The following LRRK2 variants were observed in gnomAD, a reference collection of about 807,000 sequenced individuals.
The protein encoded by LRRK2 is leucine-rich repeat serine/threonine-protein kinase 2.
LRRK2 carries 203 observed loss-of-function variants against 302.6 expected under a neutral mutation model. The observed-to-expected ratio is 0.67, with a 90% CI of 0.60 to 0.75. The LOEUF is 0.75. Ranked by LOEUF, LRRK2 falls within the 30% of genes least tolerant of loss-of-function variation. The pLI, the probability that LRRK2 is intolerant of heterozygous loss-of-function variation, is 0.00. For synonymous variants in LRRK2, 1,066 were observed against 1,031.9 expected (o/e 1.03, Z -0.63); for missense variants, 2,830 against 2,951.0 (o/e 0.96, Z 0.95).
intron 47 of LRRK2, among the ~76,000 whole-genome samples, chr12:40,360,247 A>G (rs957150365): frequency 6.6e-6 from 1 of 152,180 alleles, no homozygotes; most frequent in Non-Finnish European, 1.5e-5. Flanking sequence ...CTTAATTAAC[A>G]TAATGACCAG....
At chr12:40,259,663 C>T (rs1942683239) in intron 13 of LRRK2, 59 bp downstream of exon 13, 1 of 1,591,780 alleles carries the variant, frequency 6.3e-7, no homozygotes, top group Admixed American at 1.7e-5. Context: ...TTTGATTTTT[C>T]ATGAAATAGC....
chr12:40,279,718 C>T (rs932144980), intron 18 of LRRK2, among the ~76,000 whole-genome samples: 2 of 152,190 alleles, frequency 1.3e-5, no homozygotes, highest in Admixed American at 1.3e-4. Context: ...AGGATTTTTA[C>T]TTTATTCCTC....
At chr12:40,284,471 A>G in intron 19 of LRRK2, among the ~76,000 whole-genome samples, 1 of 137,272 alleles carries the variant, frequency 7.3e-6, no homozygotes, top group South Asian at 2.5e-4. Flanking sequence ...AACTTATTTT[A>G]TCTCTTATAA....
intron 40 of LRRK2, 107 bp from the exon 41 acceptor site, chr12:40,340,186 GA>G: frequency 8.7e-7 from 1 of 1,143,808 alleles, no homozygotes; most frequent in South Asian, 1.4e-5. Context: ...AGTGAGCACA[GA>G]ATTTTTGATG....
Position 40,253,994 on chromosome 12 carries a change from A to G in LRRK2, c.1288+978A>G, listed in dbSNP as rs141878032. 2.5e-3 allele frequency among the ~76,000 whole-genome samples: 374 copies of G among 152,264 alleles called. 3 individuals are homozygous for G. The highest frequency in any genetic ancestry group is 0.01 in the Middle Eastern group (3 of 294). On this transcript the variant is annotated intron_variant, in intron 11 of 50. Coordinates refer to ENST00000298910, the MANE Select transcript of LRRK2 (RefSeq NM_198578.4). ...CTTTAATGTAATTCTTATAAATCTTATAGCTTTGTATAATTATGAAGAGAA... is the reference window on the plus strand; with the variant it reads ...CTTTAATGTAATTCTTATAAATCTTGTAGCTTTGTATAATTATGAAGAGAA...
chr12:40,269,261 C>G (rs1412588110), intron 14 of LRRK2, among the ~76,000 whole-genome samples: 1 of 152,116 alleles, frequency 6.6e-6, no homozygotes, highest in South Asian at 2.1e-4. Flanking sequence ...AAACTAAATG[C>G]TTACATGGTA....
At chr12:40,299,058 A>T in intron 24 of LRRK2, 51 bp from the exon 25 acceptor site, 1 of 1,583,036 alleles carries the variant, frequency 6.3e-7, no homozygotes, top group Non-Finnish European at 8.6e-7. Context: ...TTTTTTCTTT[A>T]AAGCATATGA....
At chr12:40,322,596 C>G (rs773834745) in intron 37 of LRRK2, 86 bp downstream of exon 37, 6 of 1,223,396 alleles carry the variant, frequency 4.9e-6, no homozygotes, top group Non-Finnish European at 7.1e-6. Flanking sequence ...ATATTCTTAT[C>G]CATAAGGGAT....
At chr12:40,300,696 G>A (rs903823751) in intron 25 of LRRK2, 3 of 432,650 alleles carry the variant, frequency 6.9e-6, no homozygotes, top group Non-Finnish European at 1.4e-5. Context: ...AGTAAGCAAA[G>A]CAAACTCGGT....
intron 14 of LRRK2, among the ~76,000 whole-genome samples, chr12:40,271,033 T>C (rs1943212582): frequency 6.6e-6 from 1 of 152,066 alleles, no homozygotes; most frequent in South Asian, 2.1e-4. Flanking sequence ...TGCCTCGACC[T>C]CCCAAAGTGC....
In LRRK2 at chr12:40,258,706, A is replaced by T. The variant is rs546350125; in HGVS notation, c.1419-774A>T. On this transcript the variant is annotated intron_variant, in intron 12 of 50. Coordinates refer to ENST00000298910, the MANE Select transcript of LRRK2 (RefSeq NM_198578.4). ...AGTGTGTAAAAGACGCAATGGTAAG[A>T]GTAGAGTGGACTCAGCTGGGGTTAC... 6.6e-5 allele frequency among the ~76,000 whole-genome samples: 10 copies of T among 152,318 alleles called. 1 individual carries two copies. The East Asian group carries it at 1.5e-3, about 24-fold the overall frequency.
intron 33 of LRRK2, among the ~76,000 whole-genome samples, chr12:40,318,817 C>T (rs1049522968): frequency 6.6e-6 from 1 of 152,014 alleles, no homozygotes; most frequent in Non-Finnish European, 1.5e-5. Flanking sequence ...ACTGTAAGAG[C>T]GATCTGGAAT....
intron 32 of LRRK2, among the ~76,000 whole-genome samples, chr12:40,314,737 T>C (rs568803822): frequency 1.3e-5 from 2 of 152,102 alleles, no homozygotes; most frequent in South Asian, 4.2e-4. Context: ...TGTGAGTTGT[T>C]TGATAGTACT....
chr12:40,267,922 C>T (rs189064758), intron 14 of LRRK2, among the ~76,000 whole-genome samples: 2 of 152,228 alleles, frequency 1.3e-5, no homozygotes, highest in African/African-American at 4.8e-5. Flanking sequence ...CATTTTAATA[C>T]ATCTAAACTT....
At chr12:40,309,580 A>C (rs1023386764) in intron 30 of LRRK2, among the ~76,000 whole-genome samples, 6 of 151,868 alleles carry the variant, frequency 4.0e-5, no homozygotes, top group Non-Finnish European at 5.9e-5. Flanking sequence ...AAAGCAATCT[A>C]TATATATATA....
intron 49 of LRRK2, 50 bp downstream of exon 49, chr12:40,365,100 A>G (rs200830552): frequency 1.3e-5 from 19 of 1,513,740 alleles, no homozygotes; most frequent in Non-Finnish European, 1.6e-5. Context: ...GTCTTATAAA[A>G]TATGCCTTTA....
chr12:40,299,818 A>C (rs1197680223), intron 25 of LRRK2, among the ~76,000 whole-genome samples: 3 of 152,092 alleles, frequency 2.0e-5, no homozygotes, highest in East Asian at 1.9e-4. Flanking sequence ...ATAGGGGAAA[A>C]TGTGTGTGGG....
chr12:40,328,303 T>G, intron 38 of LRRK2, 57 bp from the exon 39 acceptor site: 1 of 1,279,742 alleles, frequency 7.8e-7, no homozygotes, highest in Non-Finnish European at 1.1e-6. Context: ...TATAATTTAT[T>G]TAGTTTTTTT....
intron 47 of LRRK2, among the ~76,000 whole-genome samples, chr12:40,362,195 G>T (rs1190360953): frequency 6.6e-6 from 1 of 151,872 alleles, no homozygotes; most frequent in African/African-American, 2.4e-5. Flanking sequence ...AAATATCCAA[G>T]AAGGAATTAC....
Sources: allele counts gnomAD v4.1 joint callset (sites outside exome capture counted in the v4.1 genomes callset), GRCh38; gene constraint gnomAD v4.1.1; transcripts MANE v1.5; gene names NCBI Gene and HGNC (gene_info 2026-07-23, HGNC 2026-07-21).